DACH2: variants seen among roughly 807,000 people sequenced by gnomAD.
The protein encoded by DACH2 is dachshund family transcription factor 2, also known as dachshund homolog 2.
A neutral mutation model predicts 35.8 loss-of-function variants in DACH2; 17 were observed. The ratio of observed to expected loss-of-function variants is 0.48; its 90% CI spans 0.33 to 0.71. DACH2 has a LOEUF of 0.71. Among genes scored for constraint, DACH2 ranks in the 30% least tolerant of loss-of-function variants. The pLI is 0.02. For missense variants in DACH2, 469 were observed against 472.7 expected (o/e 0.99, Z 0.07); for synonymous variants, 195 against 177.3 (o/e 1.10, Z -0.79).
intron 2 of DACH2, among the ~76,000 whole-genome samples, chrX:86,384,995 A>G (rs1424074186): frequency 2.7e-5 from 3 of 111,793 alleles, no homozygotes; most frequent in Non-Finnish European, 5.7e-5. Context: ...TCTGAAATAT[A>G]TAAACAACAT....
chrX:86,224,910 C>T lies in DACH2; in HGVS notation c.488+75802C>T, dbSNP rs185136883. Among the ~76,000 whole-genome samples the T allele has an allele frequency of 3.9e-4, 43 of 111,221 alleles. No homozygotes were observed. In the East Asian group the frequency reaches 9.1e-3, roughly 23 times the overall value. On this transcript the variant is annotated intron_variant, in intron 1 of 11. Coordinates refer to ENST00000373125, the MANE Select transcript of DACH2 (RefSeq NM_053281.3). Reference sequence around the variant, plus strand: ...TTTTTCCCCACAATACTTGGAGAGTCCATTCCTAGCTTTAGCAGTAGTCTT... The same window carrying T: ...TTTTTCCCCACAATACTTGGAGAGTTCATTCCTAGCTTTAGCAGTAGTCTT...
Position 86,382,555 on chromosome X carries a change from G to T in DACH2, c.527+5693G>T, listed in dbSNP as rs985382390. Among the ~76,000 whole-genome samples the T allele has an allele frequency of 6.4e-5, 7 of 108,722 alleles. No homozygotes were observed. In the East Asian group the frequency reaches 1.7e-3, roughly 27 times the overall value. The allele number at this position is 108,722 out of a possible 115,157, so 94.4% of individuals were successfully genotyped here. A position where few individuals can be genotyped will look rare whatever the true frequency, so the allele number is the denominator to read the frequency against. On this transcript the variant is annotated intron_variant, in intron 2 of 11. Transcript: ENST00000373125. ...TGTTATTTTCAATGACTTTTAAAAA[G>T]AAAACTTAACCTGTGAGGACATTGA... is the stretch of plus-strand genomic sequence containing the variant.
intron 2 of DACH2, among the ~76,000 whole-genome samples, chrX:86,387,761 A>C (rs2036142124): frequency 8.9e-6 from 1 of 112,009 alleles, no homozygotes; most frequent in African/African-American, 3.2e-5. Flanking sequence ...ATATTCAATA[A>C]ATATTTACTG....
At position 86,679,846 on chromosome X, in the gene DACH2, G is replaced by A. The variant is rs145107196; in HGVS notation, c.773-15175G>A. ...CTTTCCTCCTTACAGGAATGGGTCT[G>A]AGCTTAACGGTCATTATGTATTAAA... On this transcript the variant is annotated intron_variant, in intron 4 of 11. Coordinates refer to ENST00000373125, the MANE Select transcript of DACH2 (RefSeq NM_053281.3). Among the ~76,000 whole-genome samples the A allele has an allele frequency of 2.9e-3, 323 of 111,107 alleles. 1 individual carries two copies. The highest frequency in any genetic ancestry group is 9.6e-3 in the African/African-American group (294 of 30,612).
intron 4 of DACH2, among the ~76,000 whole-genome samples, chrX:86,682,793 T>C (rs182675081): frequency 9.0e-6 from 1 of 111,672 alleles, no homozygotes; most frequent in East Asian, 2.8e-4. Flanking sequence ...ATTGATTCTA[T>C]CTATTGATTT....
chrX:86,808,264 A>G (rs772894622), intron 7 of DACH2, among the ~76,000 whole-genome samples: 1 of 112,117 alleles, frequency 8.9e-6, no homozygotes, highest in South Asian at 3.7e-4. Context: ...CTGAATTCCA[A>G]TACATGATTT....
intron 11 of DACH2, among the ~76,000 whole-genome samples, chrX:86,826,527 G>T (rs1464079248): frequency 9.0e-6 from 1 of 111,186 alleles, no homozygotes; most frequent in Non-Finnish European, 1.9e-5. Flanking sequence ...CTCTTCTCTA[G>T]ACAAAGAGTA....
chrX:86,326,512 C>CAT (rs368452832), intron 1 of DACH2, among the ~76,000 whole-genome samples: 5 of 102,886 alleles, frequency 4.9e-5, no homozygotes, highest in Admixed American at 1.1e-4. Flanking sequence ...CACACACACA[C>CAT]ATATATATAT....
intron 1 of DACH2, among the ~76,000 whole-genome samples, chrX:86,292,429 G>A (rs1268841257): frequency 4.9e-5 from 5 of 101,775 alleles, no homozygotes; most frequent in Non-Finnish European, 9.9e-5. Context: ...ATTTCCTTCA[G>A]TTCTGCTCTG....
chrX:86,698,449 G>A, intron 5 of DACH2, among the ~76,000 whole-genome samples: 1 of 105,599 alleles, frequency 9.5e-6, no homozygotes, highest in Admixed American at 1.0e-4. Context: ...ACGAAAGGAA[G>A]AGCACTAGAG....
intron 2 of DACH2, among the ~76,000 whole-genome samples, chrX:86,424,586 CTT>C (rs1160663842): frequency 9.0e-6 from 1 of 111,323 alleles, no homozygotes; most frequent in Non-Finnish European, 1.9e-5. Flanking sequence ...CTTTTGTAGT[CTT>C]TAGGTTTTTC....
chrX:86,429,646 C>T (rs765722576), intron 2 of DACH2, among the ~76,000 whole-genome samples: 5 of 109,643 alleles, frequency 4.6e-5, no homozygotes, highest in Admixed American at 9.8e-5. Flanking sequence ...CTGCAACCTC[C>T]GCCTCCCAGG....
Position 86,430,250 on chromosome X carries a change from T to C in DACH2, c.527+53388T>C, listed in dbSNP as rs774750216. On this transcript the variant is annotated intron_variant, in intron 2 of 11. Transcript: ENST00000373125. The stretch of plus-strand genomic sequence containing the variant: ...TAACATGATAGGCACTAGGTGCATG[T>C]AGCTATTGAGATTTTGAAATATGGC... 3.6e-5 allele frequency among the ~76,000 whole-genome samples: 4 copies of C among 112,546 alleles called. No homozygotes were observed. The South Asian group carries it at 1.5e-3, about 41-fold the overall frequency.
At chrX:86,293,824 T>C (rs1009447605) in intron 1 of DACH2, among the ~76,000 whole-genome samples, 35 of 111,252 alleles carry the variant, frequency 3.1e-4, no homozygotes, top group Non-Finnish European at 5.1e-4. Context: ...CCTTTGAGGG[T>C]AACCCTATGT....
At chrX:86,197,402 A>G (rs1193774781) in intron 1 of DACH2, among the ~76,000 whole-genome samples, 4 of 111,933 alleles carry the variant, frequency 3.6e-5, no homozygotes, top group Non-Finnish European at 5.6e-5. Flanking sequence ...TCAAATCCAC[A>G]CATATGAATA....
chrX:86,802,549 A>AAAG (rs1158749816), intron 7 of DACH2, among the ~76,000 whole-genome samples: 1 of 104,076 alleles, frequency 9.6e-6, no homozygotes, highest in Non-Finnish European at 2.0e-5. Flanking sequence ...AAAAAAAAAA[A>AAAG]AAGAAGACTG....
At chrX:86,262,531 T>C (rs1186129058) in intron 1 of DACH2, among the ~76,000 whole-genome samples, 1 of 111,441 alleles carries the variant, frequency 9.0e-6, no homozygotes, top group African/African-American at 3.3e-5. Context: ...AATTGAAATG[T>C]GATGAGCAGA....
chrX:86,523,502 TA>T (rs923772219), intron 3 of DACH2, among the ~76,000 whole-genome samples: 3 of 111,643 alleles, frequency 2.7e-5, no homozygotes, highest in Non-Finnish European at 5.7e-5. Context: ...TTTTTAGCAG[TA>T]AAAAATAGTT....
At chrX:86,364,205 G>A (rs1220093197) in intron 1 of DACH2, among the ~76,000 whole-genome samples, 4 of 111,347 alleles carry the variant, frequency 3.6e-5, no homozygotes, top group South Asian at 3.7e-4. Flanking sequence ...GGTAATAAGG[G>A]CATGCTATTT....
Sources: gnomAD v4.1 joint callset for allele counts (sites outside exome capture counted in the v4.1 genomes callset) on GRCh38, gnomAD v4.1.1 for gene constraint, MANE v1.5 for transcripts, NCBI Gene and HGNC (gene_info 2026-07-23, HGNC 2026-07-21) for gene names.